The following GALNT17 variants were observed in gnomAD, a reference collection of about 807,000 sequenced individuals.
GALNT17 encodes polypeptide N-acetylgalactosaminyltransferase 17.
In GALNT17, 29 loss-of-function variants were observed where a neutral mutation model predicts 63.7. The ratio of observed to expected loss-of-function variants is 0.46; its 90% CI spans 0.34 to 0.62. The LOEUF (loss-of-function observed/expected upper bound fraction) is 0.62. Among genes scored for constraint, GALNT17 ranks in the 20% least tolerant of loss-of-function variants. The pLI, the probability that GALNT17 is intolerant of heterozygous loss-of-function variation, is 0.01. For missense variants in GALNT17, 603 were observed against 799.6 expected, an observed-to-expected ratio of 0.75 and a Z score of 2.97; for synonymous variants, 305 against 318.3, an observed-to-expected ratio of 0.96 and a Z score of 0.45.
intron 1 of GALNT17, among the ~76,000 whole-genome samples, chr7:71,272,228 T>A (rs558638681): frequency 6.6e-6 from 1 of 152,316 alleles, no homozygotes; most frequent in South Asian, 2.1e-4. Flanking sequence ...TTCCGAAGTA[T>A]GGATGGACAT....
intron 6 of GALNT17, among the ~76,000 whole-genome samples, chr7:71,599,237 A>C (rs1042847994): frequency 6.6e-6 from 1 of 152,154 alleles, no homozygotes; most frequent in East Asian, 1.9e-4. Flanking sequence ...TTGGTTAGGG[A>C]CAGAGCCTAA....
chr7:71,599,211 T>C (rs1473094873), intron 6 of GALNT17, among the ~76,000 whole-genome samples: 1 of 152,190 alleles, frequency 6.6e-6, no homozygotes, highest in East Asian at 1.9e-4. Flanking sequence ...TGATCCCACA[T>C]GGGTTCAGAA....
chr7:71,163,029 A>G (rs76481375), intron 1 of GALNT17, among the ~76,000 whole-genome samples: 3 of 152,230 alleles, frequency 2.0e-5, no homozygotes, highest in African/African-American at 7.2e-5. Flanking sequence ...GGAAATGGCA[A>G]CTTGGATATG....
chr7:71,350,053 C>T (rs1477973689), intron 2 of GALNT17, among the ~76,000 whole-genome samples: 3 of 152,042 alleles, frequency 2.0e-5, no homozygotes, highest in Admixed American at 2.0e-4. Flanking sequence ...GTTGTTTCTG[C>T]CTCACAGAGT....
chr7:71,244,383 T>C (rs539517569), intron 1 of GALNT17, among the ~76,000 whole-genome samples: 14 of 152,208 alleles, frequency 9.2e-5, no homozygotes, highest in Admixed American at 2.6e-4. Flanking sequence ...GGCTCTTTTA[T>C]TTTCTGGGAG....
intron 6 of GALNT17, among the ~76,000 whole-genome samples, chr7:71,645,943 C>T (rs1373505860): frequency 6.6e-6 from 1 of 152,158 alleles, no homozygotes; most frequent in Non-Finnish European, 1.5e-5. Context: ...CTGTATTTGT[C>T]TTTCCCTGGC....
At chr7:71,488,118 T>C (rs1339977079) in intron 5 of GALNT17, among the ~76,000 whole-genome samples, 1 of 149,346 alleles carries the variant, frequency 6.7e-6, no homozygotes. Flanking sequence ...CAGTGAGCTA[T>C]GATTTTGTCA....
Position 71,495,975 on chromosome 7 carries a change from C to T in GALNT17, c.962+74870C>T, listed in dbSNP as rs187430738. Among the ~76,000 whole-genome samples the T allele has an allele frequency of 7.4e-4, 112 of 152,240 alleles. 5 individuals are homozygous for T. Among genetic ancestry groups the T allele is most frequent in the South Asian group, 3.1e-3 (15 of 4,816 alleles). ...CCAGCCTGCCAAGGTTCGTGATGTC[C>T]GCTGCTGCCCACCCCTGCTGTTGCT... is the stretch of plus-strand genomic sequence containing the variant. On this transcript the variant is annotated intron_variant, in intron 5 of 10. Coordinates refer to ENST00000333538, the MANE Select transcript of GALNT17 (RefSeq NM_022479.3).
chr7:71,326,228 C>T (rs939220759), intron 1 of GALNT17, among the ~76,000 whole-genome samples: 3 of 152,070 alleles, frequency 2.0e-5, no homozygotes, highest in Admixed American at 6.5e-5. Context: ...GAAGCTGAGG[C>T]GGGGGGATCG....
chr7:71,244,862 A>G (rs1295228334), intron 1 of GALNT17, among the ~76,000 whole-genome samples: 3 of 151,990 alleles, frequency 2.0e-5, no homozygotes, highest in Non-Finnish European at 2.9e-5. Flanking sequence ...AGACGGGAGG[A>G]TCACTTGAGC....
intron 9 of GALNT17, among the ~76,000 whole-genome samples, chr7:71,684,486 GGCCCCA>G (rs1791321356): frequency 6.6e-6 from 1 of 152,156 alleles, no homozygotes; most frequent in Admixed American, 6.6e-5. Context: ...AATGGACTCT[GGCCCCA>G]TAGCCGCGTG....
intron 1 of GALNT17, among the ~76,000 whole-genome samples, chr7:71,187,708 T>G (rs1214805302): frequency 6.6e-6 from 1 of 152,156 alleles, no homozygotes; most frequent in Admixed American, 6.5e-5. Context: ...GGAGGGTGTT[T>G]CCTGTTGAAG....
intron 6 of GALNT17, among the ~76,000 whole-genome samples, chr7:71,645,575 T>C (rs1790664898): frequency 6.6e-6 from 1 of 152,222 alleles, no homozygotes; most frequent in Non-Finnish European, 1.5e-5. Context: ...TCTTGGGTAG[T>C]ATCTTTATAG....
chr7:71,575,246 T>A (rs1366655837), intron 6 of GALNT17, among the ~76,000 whole-genome samples: 1 of 152,214 alleles, frequency 6.6e-6, no homozygotes, highest in Admixed American at 6.5e-5. Flanking sequence ...CAGGGCTTTA[T>A]GTAAATATAT....
At chr7:71,358,143 C>T (rs1792324404) in intron 2 of GALNT17, among the ~76,000 whole-genome samples, 1 of 152,178 alleles carries the variant, frequency 6.6e-6, no homozygotes, top group African/African-American at 2.4e-5. Context: ...ATAACACTCA[C>T]CATGAAGATC....
intron 9 of GALNT17, among the ~76,000 whole-genome samples, chr7:71,705,251 C>A (rs1791706869): frequency 6.6e-6 from 1 of 151,700 alleles, no homozygotes; most frequent in South Asian, 2.1e-4. Flanking sequence ...GGTCAATAAG[C>A]AAATGAAAAG....
At chr7:71,211,950 G>A (rs1187391082) in intron 1 of GALNT17, among the ~76,000 whole-genome samples, 1 of 152,198 alleles carries the variant, frequency 6.6e-6, no homozygotes, top group African/African-American at 2.4e-5. Flanking sequence ...TGCAGCCTAT[G>A]TGATAGAAAA....
Position 71,132,263 on chromosome 7 carries a change from G to A in GALNT17, c.-540G>A, listed in dbSNP as rs62459618. On this transcript the variant is annotated 5_prime_UTR_variant, in exon 1 of 11. Coordinates refer to ENST00000333538, the MANE Select transcript of GALNT17 (RefSeq NM_022479.3). ...CAAAGGCGCCTGCCCGGGGGAGCGG[G>A]TCTTCCGCTGAAGAGCGCGGGTGGC... 0.14 allele frequency: 20,631 copies of A among 152,108 alleles called. 3,009 individuals carry two copies. The highest frequency in any genetic ancestry group is 0.48 in the East Asian group (2,450 of 5,086). The allele number at this position is 152,108 out of a possible 1,614,324, so 9.4% of individuals were successfully genotyped here. A position where few individuals can be genotyped will look rare whatever the true frequency, so the allele number is the denominator to read the frequency against.
intron 2 of GALNT17, among the ~76,000 whole-genome samples, chr7:71,377,114 A>AAAAATATATATATATATAT: frequency 1.2e-4 from 7 of 57,458 alleles, no homozygotes; most frequent in African/African-American, 3.7e-4. Context: ...AAATAAAAAA[A>AAAAATATATATATATATAT]ATATATATAT....
Sources: allele counts gnomAD v4.1 joint callset (sites outside exome capture counted in the v4.1 genomes callset), GRCh38; gene constraint gnomAD v4.1.1; transcripts MANE v1.5; gene names NCBI Gene and HGNC (gene_info 2026-07-23, HGNC 2026-07-21).